Variants in PLCH1 observed in about 807,000 individuals in gnomAD.
PLCH1 encodes 1-phosphatidylinositol 4,5-bisphosphate phosphodiesterase eta-1.
PLCH1 carries 60 observed loss-of-function variants against 126.7 expected under a neutral mutation model. That is an observed-to-expected ratio of 0.47 (90% confidence interval 0.38 to 0.59). The LOEUF (loss-of-function observed/expected upper bound fraction) is 0.59, where lower values mean the gene tolerates loss of function less well. PLCH1 is among the 20% of genes least tolerant of loss of function. The pLI is 0.00. For synonymous variants in PLCH1, 719 were observed against 734.9 expected (o/e 0.98, Z 0.35); for missense variants, 1,723 against 2,040.0 (o/e 0.84, Z 2.99).
chr3:155,709,096 T>C (rs1406937185), intron 1 of PLCH1, among the ~76,000 whole-genome samples: 2 of 152,236 alleles, frequency 1.3e-5, no homozygotes, highest in African/African-American at 4.8e-5. Context: ...TCTACGTCTT[T>C]TCATGGCTTG....
At chr3:155,451,101 T>TA (rs1470667260) in intron 21 of PLCH1, among the ~76,000 whole-genome samples, 1 of 151,766 alleles carries the variant, frequency 6.6e-6, no homozygotes, top group African/African-American at 2.4e-5. Context: ...ACCCCCAAAA[T>TA]AAAAAATATA....
At chr3:155,456,611 G>A (rs1712448868) in intron 21 of PLCH1, 1 of 152,258 alleles carries the variant, frequency 6.6e-6, no homozygotes, top group African/African-American at 2.4e-5. Context: ...AGGTCTAATG[G>A]GAATCTCAAA....
At chr3:155,694,295 T>G (rs1319703948) in intron 2 of PLCH1, among the ~76,000 whole-genome samples, 1 of 152,194 alleles carries the variant, frequency 6.6e-6, no homozygotes, top group African/African-American at 2.4e-5. Flanking sequence ...AATCAGAGCC[T>G]CTGAGCTGGG....
chr3:155,487,827 G>T (rs1410883541), intron 21 of PLCH1, among the ~76,000 whole-genome samples: 2 of 152,170 alleles, frequency 1.3e-5, no homozygotes, highest in African/African-American at 2.4e-5. Flanking sequence ...TAGAAGAAAT[G>T]AGTACACACC....
chr3:155,618,770 T>C (rs1465914676), intron 2 of PLCH1, among the ~76,000 whole-genome samples: 3 of 152,148 alleles, frequency 2.0e-5, no homozygotes, highest in Admixed American at 2.0e-4. Flanking sequence ...CTCAGCTTCC[T>C]GAGGAGCTTC....
intron 3 of PLCH1, 75 bp downstream of exon 3, chr3:155,596,157 G>T: frequency 9.4e-7 from 1 of 1,066,346 alleles, no homozygotes. Flanking sequence ...CAGATCTGAA[G>T]CTTCAAGAGC....
Position 155,482,303 on chromosome 3 carries a change from A to G in PLCH1, c.3723T>C (p.Ser1241=). 1 of 1,614,178 alleles carries G rather than the reference A, an allele frequency of 6.2e-7. No individual in the cohort carries two copies. Among genetic ancestry groups the G allele is most frequent in the South Asian group, 1.1e-5 (1 of 91,086 alleles). Residue 1241 remains serine (S), a synonymous_variant, in exon 23 of 23, where the codon TCT becomes TCC. Coordinates refer to ENST00000460012, the MANE Select transcript of PLCH1 (RefSeq NM_014996.4). ...KHGFCKGKSK[S]SFLCSSPELI... ...GCTCCGGAGATGAGCACAGGAAGGAAGACTTGGATTTTCCCTTGCAAAAAC... is the reference window on the plus strand; with the variant it reads ...GCTCCGGAGATGAGCACAGGAAGGAGGACTTGGATTTTCCCTTGCAAAAAC...
chr3:155,548,652 TC>T (rs1349030763), intron 10 of PLCH1, among the ~76,000 whole-genome samples: 1 of 152,256 alleles, frequency 6.6e-6, no homozygotes, highest in Non-Finnish European at 1.5e-5. Flanking sequence ...AGATGACATT[TC>T]ATTTTCTAAC....
At chr3:155,714,496 T>C (rs1473711772) in intron 1 of PLCH1, among the ~76,000 whole-genome samples, 1 of 152,204 alleles carries the variant, frequency 6.6e-6, no homozygotes, top group Non-Finnish European at 1.5e-5. Flanking sequence ...AACAGCCTAA[T>C]TCCACAGCCT....
At chr3:155,633,147 G>A (rs1738247748) in intron 2 of PLCH1, among the ~76,000 whole-genome samples, 1 of 152,074 alleles carries the variant, frequency 6.6e-6, no homozygotes, top group Admixed American at 6.6e-5. Context: ...CTGGAGGGGA[G>A]AAAGGGGGCT....
intron 1 of PLCH1, among the ~76,000 whole-genome samples, chr3:155,725,628 C>T (rs748647942): frequency 1.3e-5 from 2 of 151,912 alleles, no homozygotes; most frequent in African/African-American, 4.8e-5. Flanking sequence ...TTAGTAGAGA[C>T]GGGGTTTCAC....
chr3:155,494,569 C>G, intron 15 of PLCH1, 52 bp from the exon 16 acceptor site: 1 of 1,373,514 alleles, frequency 7.3e-7, no homozygotes, highest in Non-Finnish European at 1.0e-6. Flanking sequence ...GCAAAGAAAA[C>G]ACCACGCACA....
At chr3:155,472,147 T>A (rs562369345) in intron 21 of PLCH1, among the ~76,000 whole-genome samples, 7,968 of 152,112 alleles carry the variant, frequency 0.052, 360 homozygotes, top group African/African-American at 0.12. Flanking sequence ...GAGCTGGTTT[T>A]TTGAAAGGAT....
intron 4 of PLCH1, among the ~76,000 whole-genome samples, chr3:155,586,966 T>C (rs989695069): frequency 2.0e-5 from 3 of 152,202 alleles, no homozygotes; most frequent in African/African-American, 7.2e-5. Context: ...ACACCTTAAT[T>C]CACACCTCCA....
At position 155,696,654 on chromosome 3, in the gene PLCH1, A is replaced by G. The variant is rs548946715; in HGVS notation, c.79+7492T>C. Among the ~76,000 whole-genome samples, 8 of 152,362 alleles carry G rather than the reference A, an allele frequency of 5.3e-5. No homozygotes were observed. In the East Asian group the frequency reaches 1.5e-3, roughly 29 times the overall value. On this transcript the variant is annotated intron_variant, in intron 2 of 22. Coordinates refer to ENST00000460012, the MANE Select transcript of PLCH1 (RefSeq NM_014996.4). Reference sequence around the variant, plus strand: ...AAATAATTCTCAGAAGTAACCACTTAAAACATGAAAGGTCTGCAAATCTGA... The same window carrying G: ...AAATAATTCTCAGAAGTAACCACTTGAAACATGAAAGGTCTGCAAATCTGA...
rs1553741246 is a variant in PLCH1 at position 155,628,367 on chromosome 3, A to AAAAAAT, written c.80-31990_80-31989insATTTTT. The stretch of plus-strand genomic sequence containing the variant: ...TTCCCTATGCCCAGGAAAAAAAAAA[A>AAAAAAT]AAAAAAAAAATCCTTATCCTCGAAG... On this transcript the variant is annotated intron_variant, in intron 2 of 22. Coordinates refer to ENST00000460012, the MANE Select transcript of PLCH1 (RefSeq NM_014996.4). 2.6e-5 allele frequency among the ~76,000 whole-genome samples: 4 copies of AAAAAAT among 151,524 alleles called. No individual in the cohort carries two copies. In the South Asian group the frequency reaches 6.3e-4, roughly 24 times the overall value.
chr3:155,706,267 C>T (rs1746661794), intron 1 of PLCH1, among the ~76,000 whole-genome samples: 1 of 150,882 alleles, frequency 6.6e-6, no homozygotes, highest in Non-Finnish European at 1.5e-5. Flanking sequence ...GTGGGTGGAT[C>T]ATGAGGTCAG....
intron 2 of PLCH1, among the ~76,000 whole-genome samples, chr3:155,689,096 C>T (rs1745177539): frequency 6.6e-6 from 1 of 152,128 alleles, no homozygotes; most frequent in South Asian, 2.1e-4. Context: ...CCTCCCAGCT[C>T]CCCAGTGGCT....
chr3:155,716,054 T>C (rs1204934870), intron 1 of PLCH1, among the ~76,000 whole-genome samples: 2 of 152,222 alleles, frequency 1.3e-5, no homozygotes, highest in African/African-American at 2.4e-5. Context: ...TTTTGACTCA[T>C]AGTATTTTTG....
Sources: allele counts gnomAD v4.1 joint callset (sites outside exome capture counted in the v4.1 genomes callset), GRCh38; gene constraint gnomAD v4.1.1; transcripts MANE v1.5; gene names NCBI Gene and HGNC (gene_info 2026-07-23, HGNC 2026-07-21).